The following LAMA1 variants were observed in gnomAD, a reference collection of about 807,000 sequenced individuals.
LAMA1 encodes laminin subunit alpha 1.
Under a neutral mutation model 348.7 loss-of-function variants are expected in LAMA1, and 219 were observed. The ratio of observed to expected loss-of-function variants is 0.63; its 90% CI spans 0.56 to 0.70. The LOEUF is 0.70. Among genes scored for constraint, LAMA1 ranks in the 30% least tolerant of loss-of-function variants. LAMA1 has a pLI of 0.00. For synonymous variants in LAMA1, 1,487 were observed against 1,491.0 expected, an observed-to-expected ratio of 1.00 and a Z score of 0.06; for missense variants, 3,744 against 3,888.0, an observed-to-expected ratio of 0.96 and a Z score of 0.99.
chr18:6,957,842 T>C (rs1474327807), intron 55 of LAMA1, among the ~76,000 whole-genome samples: 1 of 151,748 alleles, frequency 6.6e-6, no homozygotes, highest in East Asian at 1.9e-4. Context: ...GCAGCAATGG[T>C]GCAATCTCAG....
At chr18:7,076,224 T>C (rs752630584) in intron 3 of LAMA1, among the ~76,000 whole-genome samples, 1 of 152,050 alleles carries the variant, frequency 6.6e-6, no homozygotes, top group Non-Finnish European at 1.5e-5. Context: ...TGAATGTCAG[T>C]GAGATCTAAG....
Position 6,959,469 on chromosome 18 carries a change from G to A in LAMA1, c.7650C>T (p.Ile2550=), listed in dbSNP as rs1197604032. 11 of 1,614,146 alleles carry A rather than the reference G, an allele frequency of 6.8e-6. No homozygotes were observed. Among genetic ancestry groups the A allele is most frequent in the Admixed American group, 3.3e-5 (2 of 60,018 alleles). ...TGACATGTACCTCAATGTTGCCTCCGATCAGCATGACGGAAAAGAAGGGCT... is the reference window on the plus strand; with the variant it reads ...TGACATGTACCTCAATGTTGCCTCCAATCAGCATGACGGAAAAGAAGGGCT... ...AHVPFFSVML[I]GGNIEVHVNP... Residue 2550 remains isoleucine, a synonymous_variant, in exon 54 of 63, where the codon ATC becomes ATT. Coordinates refer to ENST00000389658, the MANE Select transcript of LAMA1 (RefSeq NM_005559.4).
In LAMA1 at chr18:6,986,343, C is replaced by T. The variant is rs2057735445; in HGVS notation, c.5173G>A (p.Ala1725Thr). The T allele has an allele frequency of 2.5e-6, 4 of 1,613,978 alleles. No individual in the cohort carries two copies. Among genetic ancestry groups the T allele is most frequent in the Non-Finnish European group, 3.4e-6 (4 of 1,179,900 alleles). Reference protein sequence around the residue: ...HQNATLELKAAEDLLSQIQEN... With the variant: ...HQNATLELKATEDLLSQIQEN... ...TGAATTTGTGACAATAAATCTTCAG[C>T]AGCCCTGATAAATATGAATGGTTCA... The change falls in exon 37 of 63, where the codon GCT (alanine) becomes ACT (threonine). Residue 1725 changes from alanine to threonine, a missense_variant. Ala to Thr is a moderately conservative substitution (Grantham distance 58, BLOSUM62 0). Coordinates refer to ENST00000389658, the MANE Select transcript of LAMA1 (RefSeq NM_005559.4).
In LAMA1 at chr18:7,044,818, GCTCA is replaced by G. The variant is rs2058035481; in HGVS notation, c.876_879del (p.Glu293IlefsTer56). 1.2e-6 allele frequency: 2 copies of G among 1,613,936 alleles called. No individual in the cohort carries two copies. The highest frequency in any genetic ancestry group is 1.7e-6 in the Non-Finnish European group (2 of 1,179,846). On this transcript the variant is annotated frameshift_variant, in exon 7 of 63. Coordinates refer to ENST00000389658, the MANE Select transcript of LAMA1 (RefSeq NM_005559.4). LOFTEE classifies it high-confidence loss of function. ...TTACAGCTCTCCCCGCAAGTATTAT[GCTCA>G]CATTGACACTGCAGTTTCTACACAA...
intron 59 of LAMA1, 35 bp downstream of exon 59, chr18:6,949,066 G>A (rs377417607): frequency 7.3e-5 from 118 of 1,613,400 alleles, no homozygotes; most frequent in Non-Finnish European, 9.6e-5. Context: ...CGAACACAAC[G>A]AAGGTAAAAT....
chr18:6,986,312 T>C lies in LAMA1; in HGVS notation c.5204A>G (p.Asn1735Ser). Residue 1735 changes from asparagine to serine, a missense_variant, in exon 37 of 63, where the codon AAT (asparagine) becomes AGT (serine). Around this residue, in one of 3 missense-constraint regions of LAMA1, gnomAD observed 1,983 missense variants for 1,934.3 expected, o/e 1.03. Transcript: ENST00000389658. ...AEDLLSQIQE[N>S]YQKPLEELEV... ...CAATTCTTCCAGCGGCTTCTGGTAA[T>C]TTTCCTGAATTTGTGACAATAAATC... The C allele has an allele frequency of 6.2e-7, 1 of 1,614,190 alleles. No individual in the cohort carries two copies. The highest frequency in any genetic ancestry group is 8.5e-7 in the Non-Finnish European group (1 of 1,180,040).
chr18:7,016,759 G>A, intron 20 of LAMA1, 88 bp from the exon 21 acceptor site: 1 of 1,188,112 alleles, frequency 8.4e-7, no homozygotes, highest in African/African-American at 1.5e-5. Flanking sequence ...ACACACACAG[G>A]GTATTTCATA....
chr18:7,002,809 A>G (rs1415696317), intron 29 of LAMA1, among the ~76,000 whole-genome samples: 1 of 152,238 alleles, frequency 6.6e-6, no homozygotes, highest in Non-Finnish European at 1.5e-5. Context: ...CAATGAGGGA[A>G]GAAAACTCAT....
intron 3 of LAMA1, among the ~76,000 whole-genome samples, chr18:7,060,646 T>C (rs146422117): frequency 7.9e-5 from 12 of 152,104 alleles, no homozygotes; most frequent in African/African-American, 2.9e-4. Flanking sequence ...TGCTGACAAA[T>C]AGAGGGCACA....
At chr18:7,110,050 GC>G (rs1178079500) in intron 1 of LAMA1, among the ~76,000 whole-genome samples, 1 of 151,962 alleles carries the variant, frequency 6.6e-6, no homozygotes, top group Non-Finnish European at 1.5e-5. Flanking sequence ...GTGTAGTGGC[GC>G]GCACCTGTGA....
At chr18:7,002,873 AT>A (rs1471386911) in intron 29 of LAMA1, among the ~76,000 whole-genome samples, 1 of 143,754 alleles carries the variant, frequency 7.0e-6, no homozygotes, top group Non-Finnish European at 1.5e-5. Flanking sequence ...CTTCCAGTTA[AT>A]TTTTTTCTTT....
At chr18:6,947,840 C>T (rs186370697) in intron 60 of LAMA1, among the ~76,000 whole-genome samples, 1 of 152,124 alleles carries the variant, frequency 6.6e-6, no homozygotes, top group African/African-American at 2.4e-5. Context: ...GCAGTTGTTA[C>T]CATGCCCAGG....
intron 30 of LAMA1, 125 bp from the exon 31 acceptor site, chr18:7,000,122 T>C (rs2057801202): frequency 1.4e-6 from 1 of 722,846 alleles, no homozygotes; most frequent in South Asian, 1.6e-5. Context: ...CACATAGCTT[T>C]TTAGAGCTTA....
intron 47 of LAMA1, chr18:6,972,210 A>T (rs967899924): frequency 9.9e-6 from 5 of 506,190 alleles, no homozygotes; most frequent in Non-Finnish European, 1.8e-5. Context: ...CATCTCAGTG[A>T]CTAGGGTTGA....
At chr18:7,071,479 T>A (rs536701565) in intron 3 of LAMA1, among the ~76,000 whole-genome samples, 2 of 152,336 alleles carry the variant, frequency 1.3e-5, no homozygotes, top group African/African-American at 4.8e-5. Context: ...CTCACTGTAT[T>A]ACTTCATTGG....
At chr18:6,990,623 C>A (rs2057754592) in intron 36 of LAMA1, among the ~76,000 whole-genome samples, 1 of 152,150 alleles carries the variant, frequency 6.6e-6, no homozygotes, top group Non-Finnish European at 1.5e-5. Context: ...CCCATTGCCT[C>A]TCAAATTCGA....
chr18:6,989,015 C>T (rs927058145), intron 36 of LAMA1, among the ~76,000 whole-genome samples: 1 of 152,104 alleles, frequency 6.6e-6, no homozygotes, highest in Admixed American at 6.6e-5. Context: ...AGCTCACTAC[C>T]TGGGCTGTTT....
chr18:7,037,068 A>G lies in LAMA1; in HGVS notation c.1737+510T>C, dbSNP rs2057998528. On this transcript the variant is annotated intron_variant, in intron 12 of 62. Transcript: ENST00000389658. ...AGTTTGCATTTTCTTGAAATATAAC[A>G]AAAGCAGAAAGTATTCCATCTGTTC... is the stretch of plus-strand genomic sequence containing the variant. Among the ~76,000 whole-genome samples the G allele has an allele frequency of 2.0e-5, 3 of 152,222 alleles. No homozygotes were observed. The South Asian group carries it at 6.2e-4, about 32-fold the overall frequency.
At chr18:7,037,278 A>G (rs1178707775) in intron 12 of LAMA1, among the ~76,000 whole-genome samples, 1 of 152,232 alleles carries the variant, frequency 6.6e-6, no homozygotes, top group Non-Finnish European at 1.5e-5. Context: ...GGAACACTTC[A>G]TAAACAAGTG....
Sources: allele counts gnomAD v4.1 joint callset (sites outside exome capture counted in the v4.1 genomes callset), GRCh38; gene constraint gnomAD v4.1.1; regional missense constraint gnomAD v4.1.1; transcripts MANE v1.5; gene names NCBI Gene and HGNC (gene_info 2026-07-23, HGNC 2026-07-21).